ARHGEF18: variants seen among roughly 807,000 people sequenced by gnomAD.
ARHGEF18 encodes Rho/Rac guanine nucleotide exchange factor 18, also known as rho guanine nucleotide exchange factor 18.
ARHGEF18 carries 93 observed loss-of-function variants against 155.7 expected under a neutral mutation model. That is an observed-to-expected ratio of 0.60 (90% CI 0.50 to 0.71). The LOEUF (loss-of-function observed/expected upper bound fraction) is 0.71, where lower values mean the gene tolerates loss of function less well. ARHGEF18 is among the 30% of genes least tolerant of loss of function. The probability of loss-of-function intolerance (pLI) is 0.00; values close to 1 mark genes in which losing one functional copy is unlikely to be tolerated. For missense variants in ARHGEF18, 1,593 were observed against 1,816.1 expected (o/e 0.88, Z 2.23); for synonymous variants, 742 against 753.1 (o/e 0.99, Z 0.24).
chr19:7,365,609 G>A (rs1389595054), intron 2 of ARHGEF18, among the ~76,000 whole-genome samples: 2 of 152,176 alleles, frequency 1.3e-5, no homozygotes, highest in Non-Finnish European at 2.9e-5. Context: ...GGTGGGCTCT[G>A]GGGAAGCAGG....
chr19:7,359,679 T>A (rs1969464677), intron 1 of ARHGEF18, among the ~76,000 whole-genome samples: 2 of 151,514 alleles, frequency 1.3e-5, no homozygotes, highest in Admixed American at 1.3e-4. Context: ...GTTCAGTCTG[T>A]GATATCAGGA....
At chr19:7,449,676 CATTT>C in intron 15 of ARHGEF18, among the ~76,000 whole-genome samples, 1 of 151,916 alleles carries the variant, frequency 6.6e-6, no homozygotes, top group Non-Finnish European at 1.5e-5. Flanking sequence ...GGCTGGTTCT[CATTT>C]ATTTTATTTT....
chr19:7,389,679 G>A lies in ARHGEF18; in HGVS notation c.967+6476G>A, dbSNP rs555640978. On this transcript the variant is annotated intron_variant, in intron 10 of 28. Transcript: ENST00000668164. ...CTCCCGAGTAGCTGGGATTACAGGC[G>A]TATGCCACCATGCCTGGCTAATTTT... Among the ~76,000 whole-genome samples, 9 of 151,782 alleles carry A rather than the reference G, an allele frequency of 5.9e-5. No homozygotes were observed. The South Asian group carries it at 1.2e-3, about 21-fold the overall frequency.
intron 15 of ARHGEF18, among the ~76,000 whole-genome samples, chr19:7,448,371 C>A (rs1975133959): frequency 6.6e-6 from 1 of 152,088 alleles, no homozygotes; most frequent in Non-Finnish European, 1.5e-5. Flanking sequence ...AAAAAATTAG[C>A]CAGGCGTAGG....
At chr19:7,439,469 T>G (rs984967986) in intron 10 of ARHGEF18, among the ~76,000 whole-genome samples, 1 of 151,928 alleles carries the variant, frequency 6.6e-6, no homozygotes, top group East Asian at 1.9e-4. Flanking sequence ...AATAATTAAT[T>G]TAAAAAGTTG....
At chr19:7,415,511 C>T (rs1250713316) in intron 10 of ARHGEF18, among the ~76,000 whole-genome samples, 1 of 152,124 alleles carries the variant, frequency 6.6e-6, no homozygotes, top group East Asian at 1.9e-4. Flanking sequence ...TCCACATAAA[C>T]CTTTCCGTGG....
intron 10 of ARHGEF18, among the ~76,000 whole-genome samples, chr19:7,410,809 C>CAAAAAAAAA (rs58022667): frequency 1.2e-5 from 1 of 82,300 alleles, no homozygotes; most frequent in Non-Finnish European, 2.3e-5. Context: ...GACTCCATCT[C>CAAAAAAAAA]AAAAAAAAAA....
intron 18 of ARHGEF18, among the ~76,000 whole-genome samples, chr19:7,457,353 CTTTTTTTTTTTTTT>C (rs1159186670): frequency 5.0e-5 from 3 of 60,216 alleles, no homozygotes; most frequent in Non-Finnish European, 8.4e-5. Context: ...AATCACCTCT[CTTTTTTTTTTTTTT>C]TTTTTTTTTT....
intron 10 of ARHGEF18, among the ~76,000 whole-genome samples, chr19:7,430,031 TAGAAA>T (rs10582344): frequency 0.019 from 2,808 of 151,742 alleles, 85 homozygotes; most frequent in African/African-American, 0.064. Context: ...ATTGCATAGA[TAGAAA>T]AGAGAATATT....
At position 7,451,242 on chromosome 19, in the gene ARHGEF18, G is replaced by C. The variant is rs1268781630; in HGVS notation, c.1831G>C (p.Glu611Gln). The C allele has an allele frequency of 1.2e-6, 2 of 1,611,514 alleles. No individual in the cohort carries two copies. The highest frequency in any genetic ancestry group is 1.7e-6 in the Non-Finnish European group (2 of 1,179,348). Residue 611 changes from glutamate (E) to glutamine (Q), a missense_variant, in exon 16 of 29, where the codon GAG becomes CAG. Physicochemically the swap from Glu to Gln is conservative, Grantham distance 29. Coordinates refer to ENST00000668164, the MANE Select transcript of ARHGEF18 (RefSeq NM_001367823.1). ...QRITKYPVLV[E>Q]RIIQNTEAGT... The stretch of plus-strand genomic sequence containing the variant: ...CATAACCAAATACCCAGTGCTGGTG[G>C]AGCGCATCATCCAGAACACGGAAGG...
In ARHGEF18 at chr19:7,468,809, G is replaced by A. The variant is rs1335055389; in HGVS notation, c.3481-16G>A. ...CAGGAACCTCACATTGGATGTATCT[G>A]CTGTTGTCCCCTCAGGCCCAGCCCC... On this transcript the variant is annotated splice_polypyrimidine_tract_variant and intron_variant, in intron 26 of 28. Transcript: ENST00000668164. 2 of 1,527,932 alleles carry A rather than the reference G, an allele frequency of 1.3e-6. No individual in the cohort carries two copies. Among genetic ancestry groups the A allele is most frequent in the Non-Finnish European group, 1.8e-6 (2 of 1,131,858 alleles). 94.6% of individuals were successfully genotyped at this position (1,527,932 alleles called of 1,614,324 possible). A position where few individuals can be genotyped will look rare whatever the true frequency, so the allele number is the denominator to read the frequency against.
At chr19:7,445,303 C>T (rs1240865162) in intron 14 of ARHGEF18, among the ~76,000 whole-genome samples, 1 of 152,092 alleles carries the variant, frequency 6.6e-6, no homozygotes, top group African/African-American at 2.4e-5. Flanking sequence ...AATAAATTAG[C>T]CAGCTGTGGT....
At chr19:7,452,529 G>T (rs1423020453) in intron 16 of ARHGEF18, among the ~76,000 whole-genome samples, 1 of 152,000 alleles carries the variant, frequency 6.6e-6, no homozygotes, top group Non-Finnish European at 1.5e-5. Flanking sequence ...ACAGTGGCAT[G>T]ATCTTGGCTC....
intron 10 of ARHGEF18, chr19:7,439,810 CTATT>C (rs1568335230): frequency 7.0e-7 from 1 of 1,435,650 alleles, no homozygotes; most frequent in Non-Finnish European, 9.1e-7. Context: ...TGATCTTAGA[CTATT>C]TACAGCAAAC....
intron 11 of ARHGEF18, among the ~76,000 whole-genome samples, chr19:7,441,294 C>T (rs1195692855): frequency 6.6e-6 from 1 of 151,698 alleles, no homozygotes; most frequent in Non-Finnish European, 1.5e-5. Flanking sequence ...ATTCCCCTAC[C>T]TCAGCCTCCC....
chr19:7,416,067 C>T (rs535040581), intron 10 of ARHGEF18, among the ~76,000 whole-genome samples: 1 of 152,018 alleles, frequency 6.6e-6, no homozygotes, highest in African/African-American at 2.4e-5. Flanking sequence ...CCACGGTTTT[C>T]GCATTTGTGT....
chr19:7,475,189 G>A (rs553178513), downstream of ARHGEF18, among the ~76,000 whole-genome samples: 22 of 152,278 alleles, frequency 1.4e-4, no homozygotes, highest in Admixed American at 9.8e-4. Flanking sequence ...CCGAGATCGC[G>A]CCACCGCACT....
At chr19:7,448,286 G>A (rs796663972) in intron 15 of ARHGEF18, among the ~76,000 whole-genome samples, 71 of 152,296 alleles carry the variant, frequency 4.7e-4, no homozygotes, top group African/African-American at 1.6e-3. Context: ...AGGCCAAGGC[G>A]GGCAGATCAC....
At chr19:7,451,333 A>G in intron 16 of ARHGEF18, 67 bp downstream of exon 16, 1 of 1,322,804 alleles carries the variant, frequency 7.6e-7, no homozygotes, top group South Asian at 1.3e-5. Context: ...CCGTGTACCC[A>G]CTCCCTATTT....
Sources: allele counts gnomAD v4.1 joint callset (sites outside exome capture counted in the v4.1 genomes callset), GRCh38; gene constraint gnomAD v4.1.1; transcripts MANE v1.5; gene names NCBI Gene and HGNC (gene_info 2026-07-23, HGNC 2026-07-21).